Variants in ZNF710 observed in about 807,000 individuals in gnomAD.
ZNF710 encodes the protein zinc finger protein 710.
In ZNF710, 13 loss-of-function variants were observed where a neutral mutation model predicts 50.6. The observed-to-expected ratio is 0.26, with a 90% CI of 0.17 to 0.41. ZNF710 has a LOEUF of 0.41. ZNF710 is among the 10% of genes least tolerant of loss of function. ZNF710 has a pLI of 1.00. For synonymous variants in ZNF710, 383 were observed against 397.0 expected (o/e 0.96, Z 0.42); for missense variants, 721 against 936.6 (o/e 0.77, Z 3.01).
rs901734659 is a variant in ZNF710 at position 90,073,093 on chromosome 15, A to C, written c.1481A>C (p.Glu494Ala). 12 of 1,613,966 alleles carry C rather than the reference A, an allele frequency of 7.4e-6. No individual in the cohort carries two copies. Among genetic ancestry groups the C allele is most frequent in the Non-Finnish European group, 1.0e-5 (12 of 1,179,962 alleles). Residue 494 changes from glutamate (E) to alanine (A), a missense_variant, in exon 3 of 5, where the codon GAG becomes GCG. Around this residue, in one of 3 missense-constraint regions of ZNF710, gnomAD observed 326 missense variants for 522.0 expected, o/e 0.62. Transcript: ENST00000268154. ...THKGVKEFKCEVCGREFTLQA... is the reference protein window; with the variant it reads ...THKGVKEFKCAVCGREFTLQA... ...CAGGGCGTGAAGGAGTTCAAGTGCG[A>C]GGTGTGTGGCCGGGAGTTCACCCTA...
At chr15:90,044,529 G>A (rs1040773817) in intron 1 of ZNF710, among the ~76,000 whole-genome samples, 2 of 152,246 alleles carry the variant, frequency 1.3e-5, no homozygotes, top group Admixed American at 6.5e-5. Flanking sequence ...TTGGCAGCCT[G>A]TGTTGACACA....
chr15:90,056,815 C>T (rs1257867431), intron 1 of ZNF710, among the ~76,000 whole-genome samples: 1 of 152,176 alleles, frequency 6.6e-6, no homozygotes, highest in Non-Finnish European at 1.5e-5. Context: ...AGCATTTGCC[C>T]ACAGTAATTT....
chr15:90,072,005 T>G (rs758198935), intron 2 of ZNF710, among the ~76,000 whole-genome samples: 1 of 151,816 alleles, frequency 6.6e-6, no homozygotes, highest in Non-Finnish European at 1.5e-5. Context: ...GGTCTTGCTA[T>G]GTTGTCCACA....
chr15:90,041,292 G>C lies in ZNF710; in HGVS notation c.-28-25818G>C, dbSNP rs1280258557. ...TCACAGCTCCAACATCTGGGCTCAA[G>C]TGATCTTCCCACCTCAGCCTCCAGA... On this transcript the variant is annotated intron_variant, in intron 1 of 4. Coordinates refer to ENST00000268154, the MANE Select transcript of ZNF710 (RefSeq NM_198526.4). 2.0e-5 allele frequency among the ~76,000 whole-genome samples: 3 copies of C among 152,142 alleles called. No individual in the cohort carries two copies. In the East Asian group the frequency reaches 5.8e-4, roughly 29 times the overall value.
intron 1 of ZNF710, among the ~76,000 whole-genome samples, chr15:90,014,433 A>G (rs766743711): frequency 5.3e-5 from 8 of 151,742 alleles, no homozygotes; most frequent in African/African-American, 1.7e-4. Context: ...TCCCAGCTAC[A>G]CTAGAGGCTG....
Position 90,010,240 on chromosome 15 carries a change from C to G in ZNF710, c.-29+8626C>G, listed in dbSNP as rs186543446. ...TTTAATCTAGTCTGATATCTGTGCT[C>G]TTTAACCAGAGAGTTCAAGCCATTT... On this transcript the variant is annotated intron_variant, in intron 1 of 4. Coordinates refer to ENST00000268154, the MANE Select transcript of ZNF710 (RefSeq NM_198526.4). 5.3e-5 allele frequency among the ~76,000 whole-genome samples: 8 copies of G among 152,240 alleles called. No homozygotes were observed. In the East Asian group the frequency reaches 1.2e-3, roughly 22 times the overall value.
chr15:90,059,261 G>T lies in ZNF710; in HGVS notation c.-28-7849G>T, dbSNP rs1899927807. ...AGGTAGGAAACATCGGTGAGTTGGG[G>T]GCAGAGGGGCAGTGGAGCCTGCCTG... On this transcript the variant is annotated intron_variant, in intron 1 of 4. Coordinates refer to ENST00000268154, the MANE Select transcript of ZNF710 (RefSeq NM_198526.4). This position sits in a 1 kb window ranked among gnomAD's most constrained non-coding sequence, Gnocchi z 4.1. 6.6e-6 allele frequency among the ~76,000 whole-genome samples: 1 copy of T among 152,214 alleles called. No homozygotes were observed. The highest frequency in any genetic ancestry group is 2.4e-5 in the African/African-American group (1 of 41,464).
chr15:90,036,592 G>C (rs910790548), intron 1 of ZNF710, among the ~76,000 whole-genome samples: 11 of 152,156 alleles, frequency 7.2e-5, no homozygotes, highest in Admixed American at 2.0e-4. Flanking sequence ...TGGAAAGAAA[G>C]CCTGCTCCAT....
chr15:90,065,151 G>A (rs1009229431), intron 1 of ZNF710, among the ~76,000 whole-genome samples: 13 of 152,136 alleles, frequency 8.5e-5, no homozygotes, highest in Non-Finnish European at 5.9e-5. Flanking sequence ...TTAATCTTTG[G>A]TGTCCGTTTC....
At chr15:90,002,370 C>T (rs1314545663) in intron 1 of ZNF710, 1 of 109,652 alleles carries the variant, frequency 9.1e-6, no homozygotes, top group East Asian at 3.2e-4. Context: ...CCGGCGCTCG[C>T]TGTCTGGGGG....
chr15:90,074,293 G>C lies in ZNF710; in HGVS notation c.1825+3G>C. The C allele has an allele frequency of 6.2e-6, 10 of 1,612,626 alleles. No individual in the cohort carries two copies. The highest frequency in any genetic ancestry group is 8.5e-6 in the Non-Finnish European group (10 of 1,179,990). On this transcript the variant is annotated splice_donor_region_variant and intron_variant, in intron 4 of 4. Transcript: ENST00000268154. Reference sequence around the variant, plus strand: ...GGACATCGGCCTGGACAGCCAAGGTGGGTGGGCCAAGCGCAATGGACAGAG... The same window carrying C: ...GGACATCGGCCTGGACAGCCAAGGTCGGTGGGCCAAGCGCAATGGACAGAG...
intron 1 of ZNF710, among the ~76,000 whole-genome samples, chr15:90,023,947 C>A (rs916232035): frequency 6.6e-6 from 1 of 151,660 alleles, no homozygotes; most frequent in Non-Finnish European, 1.5e-5. Context: ...TGCAGTGAGC[C>A]GAGATCGTGC....
At chr15:90,033,614 A>G (rs1256474354) in intron 1 of ZNF710, among the ~76,000 whole-genome samples, 2 of 152,052 alleles carry the variant, frequency 1.3e-5, no homozygotes, top group Non-Finnish European at 2.9e-5. Flanking sequence ...GTGTCTGTTC[A>G]CAGGCATGAT....
At position 90,067,676 on chromosome 15, in the gene ZNF710, C is replaced by G; in HGVS notation, c.539C>G (p.Pro180Arg). 2 of 1,612,866 alleles carry G rather than the reference C, an allele frequency of 1.2e-6. No homozygotes were observed. Among genetic ancestry groups the G allele is most frequent in the Non-Finnish European group, 1.7e-6 (2 of 1,179,652 alleles). The change falls in exon 2 of 5, where the codon CCG (proline) becomes CGG (arginine). Residue 180 changes from proline to arginine, a missense_variant. Coordinates refer to ENST00000268154, the MANE Select transcript of ZNF710 (RefSeq NM_198526.4). The surrounding 1 kb of genome is among the most constrained non-coding windows in gnomAD (Gnocchi z 8.1). The part of the protein sequence containing the change: ...TLRHLPRTPR[P>R]ELNVAPYDPH... The stretch of plus-strand genomic sequence containing the variant: ...CGGCATCTGCCCCGAACCCCGAGGC[C>G]GGAGCTGAACGTGGCCCCATATGAC...
chr15:90,081,837 C>T lies in ZNF710; in HGVS notation c.*2008C>T, dbSNP rs1900728774. The T allele has an allele frequency of 6.6e-6, 1 of 152,360 alleles. No individual in the cohort carries two copies. The highest frequency in any genetic ancestry group is 1.5e-5 in the Non-Finnish European group (1 of 68,128). The allele number at this position is 152,360 out of a possible 1,614,324, so 9.4% of individuals were successfully genotyped here. On this transcript the variant is annotated 3_prime_UTR_variant, in exon 5 of 5. Transcript: ENST00000268154. ...AGGGTGGGGCTCTCCTTTCCCTCCC[C>T]CAGCCCCGCCGTCAGCACTGGCCCT...
At chr15:90,063,213 C>T (rs538171050) in intron 1 of ZNF710, among the ~76,000 whole-genome samples, 23 of 152,270 alleles carry the variant, frequency 1.5e-4, no homozygotes, top group African/African-American at 4.6e-4. Context: ...GTGACCTCCG[C>T]GGGTGCATAG....
chr15:90,032,716 T>A (rs1898984611), intron 1 of ZNF710, among the ~76,000 whole-genome samples: 1 of 148,234 alleles, frequency 6.7e-6, no homozygotes, highest in Non-Finnish European at 1.5e-5. Context: ...AGGCAGAGGT[T>A]GCAGTGAGCT....
intron 1 of ZNF710, among the ~76,000 whole-genome samples, chr15:90,020,776 T>C (rs1898593152): frequency 6.6e-6 from 1 of 152,244 alleles, no homozygotes; most frequent in Non-Finnish European, 1.5e-5. Flanking sequence ...AGATCTCTTA[T>C]CTGCCCGGTC....
At chr15:90,031,690 C>T (rs895702998) in intron 1 of ZNF710, among the ~76,000 whole-genome samples, 1 of 152,178 alleles carries the variant, frequency 6.6e-6, no homozygotes, top group Non-Finnish European at 1.5e-5. Flanking sequence ...GCAGCAGGGG[C>T]ATCTTCAGTG....
Sources: gnomAD v4.1 joint callset for allele counts (sites outside exome capture counted in the v4.1 genomes callset) on GRCh38, gnomAD v4.1.1 for gene constraint, gnomAD v4.1.1 regional missense constraint, Gnocchi (gnomAD v3.1) non-coding constraint, MANE v1.5 for transcripts, NCBI Gene and HGNC (gene_info 2026-07-23, HGNC 2026-07-21) for gene names.